The following MBD5 variants were observed in gnomAD, a reference collection of about 807,000 sequenced individuals.
MBD5 encodes the protein methyl-CpG binding domain protein 5.
In MBD5, 13 loss-of-function variants were observed where a neutral mutation model predicts 117.3. The ratio of observed to expected loss-of-function variants is 0.11; its 90% confidence interval spans 0.07 to 0.18. The LOEUF (loss-of-function observed/expected upper bound fraction) is 0.18, where lower values mean the gene tolerates loss of function less well. MBD5 is among the 10% of genes least tolerant of loss of function. The pLI, the probability that MBD5 is intolerant of heterozygous loss-of-function variation, is 1.00. For synonymous variants in MBD5, 727 were observed against 766.4 expected, an observed-to-expected ratio of 0.95 and a Z score of 0.85; for missense variants, 1,879 against 2,093.8, an observed-to-expected ratio of 0.90 and a Z score of 2.00.
intron 1 of MBD5, among the ~76,000 whole-genome samples, chr2:148,060,716 A>G (rs192606005): frequency 3.5e-4 from 54 of 152,228 alleles, no homozygotes; most frequent in African/African-American, 1.3e-3. Flanking sequence ...ATAGGGTATG[A>G]TTATTTTGTT....
At chr2:148,240,237 G>A (rs1468207758) in intron 3 of MBD5, among the ~76,000 whole-genome samples, 1 of 152,084 alleles carries the variant, frequency 6.6e-6, no homozygotes, top group Non-Finnish European at 1.5e-5. Context: ...TGGACACAGG[G>A]TGGGGAACAC....
chr2:148,327,254 C>G (rs1454482350), intron 3 of MBD5, among the ~76,000 whole-genome samples: 1 of 152,094 alleles, frequency 6.6e-6, no homozygotes, highest in African/African-American at 2.4e-5. Flanking sequence ...ACCTTTCTCT[C>G]TTGCTGCCCT....
At chr2:148,351,881 G>A (rs926687885) in intron 4 of MBD5, among the ~76,000 whole-genome samples, 1 of 151,996 alleles carries the variant, frequency 6.6e-6, no homozygotes, top group Non-Finnish European at 1.5e-5. Context: ...TGGCATTGAA[G>A]TCTAAAAGTA....
At chr2:148,463,107 T>C (rs1348857164) in intron 6 of MBD5, among the ~76,000 whole-genome samples, 3 of 152,114 alleles carry the variant, frequency 2.0e-5, no homozygotes, top group South Asian at 2.1e-4. Flanking sequence ...TATGAAACTG[T>C]TTTACTCATT....
chr2:148,242,708 G>A (rs1055425349), intron 3 of MBD5, among the ~76,000 whole-genome samples: 2 of 152,124 alleles, frequency 1.3e-5, no homozygotes, highest in Non-Finnish European at 2.9e-5. Flanking sequence ...ACTATATAAT[G>A]AGCTATTCTA....
At chr2:148,301,681 T>C (rs1701778337) in intron 3 of MBD5, among the ~76,000 whole-genome samples, 1 of 152,198 alleles carries the variant, frequency 6.6e-6, no homozygotes, top group Admixed American at 6.5e-5. Context: ...GCTGTCCTCA[T>C]GAGCAGTGGC....
At chr2:148,487,482 G>A (rs1305621900) in intron 10 of MBD5, among the ~76,000 whole-genome samples, 1 of 152,184 alleles carries the variant, frequency 6.6e-6, no homozygotes, top group African/African-American at 2.4e-5. Flanking sequence ...GTATCTTTAT[G>A]ATAATATATA....
chr2:148,131,176 C>T (rs1372477836), intron 1 of MBD5, among the ~76,000 whole-genome samples: 1 of 152,120 alleles, frequency 6.6e-6, no homozygotes, highest in African/African-American at 2.4e-5. Context: ...AGTTTGAAAG[C>T]ACTTATTTTC....
rs1491423789 is a variant in MBD5 at position 148,296,863 on chromosome 2, AAT to A, written c.-679-45350_-679-45349del. ...TAAGCATAGTTTGCTTTAGTTCTTC[AAT>A]TTTTTTTTTTTTTTTTTTTGGAGAC... On this transcript the variant is annotated intron_variant, in intron 3 of 13. Transcript: ENST00000642680. Among the ~76,000 whole-genome samples, 137 of 37,722 alleles carry A rather than the reference AAT, an allele frequency of 3.6e-3. 14 individuals carry two copies. The highest frequency in any genetic ancestry group is 0.031 in the Middle Eastern group (1 of 32). The allele number at this position is 37,722 out of a possible 152,430, so 24.7% of individuals were successfully genotyped here.
intron 3 of MBD5, among the ~76,000 whole-genome samples, chr2:148,328,563 A>G (rs1465509341): frequency 1.3e-5 from 2 of 152,302 alleles, no homozygotes; most frequent in Admixed American, 6.5e-5. Flanking sequence ...TTTTAAGCCC[A>G]TCGGAAAAGC....
At chr2:148,511,660 G>A (rs1682218008) in intron 13 of MBD5, among the ~76,000 whole-genome samples, 1 of 152,094 alleles carries the variant, frequency 6.6e-6, no homozygotes, top group East Asian at 1.9e-4. Flanking sequence ...GCCACATTTG[G>A]TCCACAGATT....
At position 148,411,425 on chromosome 2, in the gene MBD5, T is replaced by G. The variant is rs1269259490; in HGVS notation, c.-556-46778T>G. ...TATGTTCTTTGAGAAGTCACCATAC[T>G]GCTTTCCACAATGGCTGAACCAGTT... On this transcript the variant is annotated intron_variant, in intron 4 of 13. Transcript: ENST00000642680. Among the ~76,000 whole-genome samples, 5 of 152,064 alleles carry G rather than the reference T, an allele frequency of 3.3e-5. No individual in the cohort carries two copies. In the East Asian group the frequency reaches 9.6e-4, roughly 29 times the overall value.
chr2:148,423,849 A>C (rs113821242), intron 4 of MBD5, among the ~76,000 whole-genome samples: 3 of 151,744 alleles, frequency 2.0e-5, no homozygotes, highest in Non-Finnish European at 2.9e-5. Flanking sequence ...TAAAGGGATA[A>C]AGTAATATTT....
At chr2:148,197,625 A>C (rs1055977973) in intron 2 of MBD5, among the ~76,000 whole-genome samples, 1 of 152,056 alleles carries the variant, frequency 6.6e-6, no homozygotes, top group Non-Finnish European at 1.5e-5. Flanking sequence ...TCATTATTTT[A>C]ATGGTTACGT....
At chr2:148,199,843 G>A (rs1277299034) in intron 2 of MBD5, among the ~76,000 whole-genome samples, 1 of 152,024 alleles carries the variant, frequency 6.6e-6, no homozygotes, top group Non-Finnish European at 1.5e-5. Context: ...TATATCCTAT[G>A]AGTGTCTCTC....
At chr2:148,419,335 C>T (rs1705525658) in intron 4 of MBD5, among the ~76,000 whole-genome samples, 1 of 152,110 alleles carries the variant, frequency 6.6e-6, no homozygotes, top group Non-Finnish European at 1.5e-5. Flanking sequence ...CTTTTTATAT[C>T]TTTTAGAAGG....
intron 11 of MBD5, among the ~76,000 whole-genome samples, chr2:148,495,881 T>A (rs1681686730): frequency 6.6e-6 from 1 of 152,240 alleles, no homozygotes; most frequent in Non-Finnish European, 1.5e-5. Context: ...CACACATGTG[T>A]TTTGACAGCA....
At position 148,489,889 on chromosome 2, in the gene MBD5, G is replaced by A. The variant is rs556860964; in HGVS notation, c.4257G>A (p.Lys1419=). The part of the protein sequence containing the change: ...VNEGDGFEYF[K]SASCHTSKKQ... ...AAGGAGATGGGTTTGAATATTTCAA[G>A]TCAGCAAGTTGCCACACATCCAAAA... Residue 1419 remains lysine, a synonymous_variant, in exon 11 of 14, where the codon AAG becomes AAA. Coordinates refer to ENST00000642680, the MANE Select transcript of MBD5 (RefSeq NM_001378120.1). 3 of 1,614,168 alleles carry A rather than the reference G, an allele frequency of 1.9e-6. No homozygotes were observed. The highest frequency in any genetic ancestry group is 3.3e-5 in the Admixed American group (2 of 60,014).
chr2:148,393,957 G>T (rs753183199), intron 4 of MBD5, among the ~76,000 whole-genome samples: 1 of 152,072 alleles, frequency 6.6e-6, no homozygotes, highest in Non-Finnish European at 1.5e-5. Context: ...GAAAAGAAAA[G>T]GTTATGCTTA....
Sources: gnomAD v4.1 joint callset for allele counts (sites outside exome capture counted in the v4.1 genomes callset) on GRCh38, gnomAD v4.1.1 for gene constraint, MANE v1.5 for transcripts, NCBI Gene and HGNC (gene_info 2026-07-23, HGNC 2026-07-21) for gene names.